The following CST9L variants were observed in gnomAD, a reference collection of about 807,000 sequenced individuals.
CST9L encodes cystatin-9-like.
In CST9L, 17 loss-of-function variants were observed where a neutral mutation model predicts 13.2. That is an observed-to-expected ratio of 1.29 (90% CI 0.88 to 1.93). The LOEUF is 1.93. CST9L is among the 30% of genes most tolerant of loss of function. The pLI is 0.00. For missense variants in CST9L, 170 were observed against 170.5 expected, an observed-to-expected ratio of 1.00 and a Z score of 0.02; for synonymous variants, 78 against 69.1, an observed-to-expected ratio of 1.13 and a Z score of -0.64.
Position 23,564,919 on chromosome 20 carries a change from A to G in CST9L, c.*29T>C. The stretch of plus-strand genomic sequence containing the variant: ...GATGTCCACGGAATGTGGGAGCAGC[A>G]CATGGACAAGCCTGTGAGTGGGTTT... On this transcript the variant is annotated 3_prime_UTR_variant, in exon 3 of 3. Coordinates refer to ENST00000376979, the MANE Select transcript of CST9L (RefSeq NM_080610.3). The G allele has an allele frequency of 6.6e-7, 1 of 1,505,588 alleles. No individual in the cohort carries two copies. Among genetic ancestry groups the G allele is most frequent in the Non-Finnish European group, 9.3e-7 (1 of 1,081,016 alleles). 93.3% of individuals were successfully genotyped at this position (1,505,588 alleles called of 1,614,324 possible).
In CST9L at chr20:23,568,457, G is replaced by A; in HGVS notation, c.-7C>T. On this transcript the variant is annotated 5_prime_UTR_variant, in exon 1 of 3. Transcript: ENST00000376979. ...TCCACGGCAGGCCCAGCATGGTGCTGACTGTAGGCACCGCTGACTTTGCTC... is the reference window on the plus strand; with the variant it reads ...TCCACGGCAGGCCCAGCATGGTGCTAACTGTAGGCACCGCTGACTTTGCTC... 6.2e-7 allele frequency: 1 copy of A among 1,612,836 alleles called. No homozygotes were observed. Among genetic ancestry groups the A allele is most frequent in the Non-Finnish European group, 8.5e-7 (1 of 1,179,350 alleles).
intron 1 of CST9L, among the ~76,000 whole-genome samples, chr20:23,567,320 C>CTTG (rs1370264015): frequency 2.0e-5 from 3 of 151,928 alleles, no homozygotes; most frequent in Admixed American, 6.6e-5. Flanking sequence ...CCAGCCTGGC[C>CTTG]AACATAGTGA....
In CST9L at chr20:23,568,193, G is replaced by A. The variant is rs756094976; in HGVS notation, c.240+18C>T. On this transcript the variant is annotated intron_variant, in intron 1 of 2. Coordinates refer to ENST00000376979, the MANE Select transcript of CST9L (RefSeq NM_080610.3). ...GCACATGCCAGATGCCAGGGCAGGAGGGTACGTGGTCACCAACCTGCTCCT... is the reference window on the plus strand; with the variant it reads ...GCACATGCCAGATGCCAGGGCAGGAAGGTACGTGGTCACCAACCTGCTCCT... 1.9e-6 allele frequency: 3 copies of A among 1,614,022 alleles called. No homozygotes were observed. Among genetic ancestry groups the A allele is most frequent in the Non-Finnish European group, 1.7e-6 (2 of 1,179,916 alleles).
chr20:23,566,212 G>A (rs1989094013), intron 1 of CST9L, 125 bp from the exon 2 acceptor site: 1 of 707,610 alleles, frequency 1.4e-6, no homozygotes, highest in South Asian at 1.6e-5. Context: ...CTTGCCCATG[G>A]GCCTGGCATC....
chr20:23,568,178 G>A (rs751776236), intron 1 of CST9L, 33 bp downstream of exon 1: 6 of 1,613,364 alleles, frequency 3.7e-6, no homozygotes, highest in South Asian at 3.3e-5. Context: ...GCACATGCCA[G>A]ATGCCAGGGC....
Position 23,568,342 on chromosome 20 carries a change from A to C in CST9L, c.109T>G (p.Cys37Gly), listed in dbSNP as rs760965696. ...YAWHFHEQRD[C>G]DEHNVMARYL... ...CGAGCCATGACATTGTGTTCATCAC[A>C]GTCCCTTTGCTCGTGGAAATGCCAG... Residue 37 changes from cysteine (C) to glycine (G), a missense_variant, in exon 1 of 3, where the codon TGT (cysteine) becomes GGT (glycine). Cys to Gly is a radical substitution (Grantham distance 159). Coordinates refer to ENST00000376979, the MANE Select transcript of CST9L (RefSeq NM_080610.3). 8 of 1,614,118 alleles carry C rather than the reference A, an allele frequency of 5.0e-6. No homozygotes were observed. Among genetic ancestry groups the C allele is most frequent in the Non-Finnish European group, 6.8e-6 (8 of 1,180,054 alleles).
At chr20:23,567,113 TC>T (rs1446779246) in intron 1 of CST9L, among the ~76,000 whole-genome samples, 1 of 152,100 alleles carries the variant, frequency 6.6e-6, no homozygotes, top group African/African-American at 2.4e-5. Context: ...ACAGGGTCTT[TC>T]CAGAGGCTGA....
rs1054613 is a variant in CST9L, at chr20:23,564,922, T to C, written c.*26A>G. ...GTCCACGGAATGTGGGAGCAGCACATGGACAAGCCTGTGAGTGGGTTTCAC... is the reference window on the plus strand; with the variant it reads ...GTCCACGGAATGTGGGAGCAGCACACGGACAAGCCTGTGAGTGGGTTTCAC... On this transcript the variant is annotated 3_prime_UTR_variant, in exon 3 of 3. Transcript: ENST00000376979. 2.0e-6 allele frequency: 3 copies of C among 1,534,120 alleles called. No homozygotes were observed. In the South Asian group the frequency reaches 3.4e-5, roughly 17 times the overall value.
chr20:23,566,878 A>G (rs1166714395), intron 1 of CST9L, among the ~76,000 whole-genome samples: 1 of 151,842 alleles, frequency 6.6e-6, no homozygotes, highest in Non-Finnish European at 1.5e-5. Flanking sequence ...ACAGGGTGAG[A>G]CTCCATATCA....
At chr20:23,566,151 G>C in intron 1 of CST9L, 64 bp from the exon 2 acceptor site, 1 of 919,548 alleles carries the variant, frequency 1.1e-6, no homozygotes, top group Non-Finnish European at 1.8e-6. Flanking sequence ...AGCTGCTGGT[G>C]AAGATGTCAT....
chr20:23,565,977 G>C lies in CST9L; in HGVS notation c.351C>G (p.Asn117Lys). 6.4e-7 allele frequency: 1 copy of C among 1,550,740 alleles called. No individual in the cohort carries two copies. Among genetic ancestry groups the C allele is most frequent in the Non-Finnish European group, 8.9e-7 (1 of 1,122,032 alleles). ...NCHFQESTEL[N>K]NTFTCFFTIS... is the part of the protein sequence containing the mutation. ...GGAAGCTGGTGTCCTGTCTTACATT[G>C]TTCAGCTCTGTGCTTTCTTGGAAAT... Residue 117 changes from asparagine (N) to lysine (K), a missense_variant, in exon 2 of 3, where the codon AAC (asparagine) becomes AAG (lysine). Asn to Lys is a moderately conservative substitution (Grantham distance 94). Transcript: ENST00000376979.
chr20:23,566,308 T>G (rs1008081621), intron 1 of CST9L, among the ~76,000 whole-genome samples: 1 of 152,110 alleles, frequency 6.6e-6, no homozygotes, highest in Non-Finnish European at 1.5e-5. Context: ...AATGTATCCC[T>G]ATTTCCAGAT....
At chr20:23,566,120 C>A (rs1200569921) in intron 1 of CST9L, 33 bp from the exon 2 acceptor site, 3 of 1,217,230 alleles carry the variant, frequency 2.5e-6, no homozygotes, top group Non-Finnish European at 3.7e-6. Flanking sequence ...TGTGAACACA[C>A]CCTCCTTGTT....
rs1380595818 is a variant in CST9L at position 23,568,270 on chromosome 20, G to T, written c.181C>A (p.Gln61Lys). The change falls in exon 1 of 3, where the codon CAG becomes AAG. Residue 61 changes from glutamine to lysine, a missense_variant. Transcript: ENST00000376979. Reference sequence around the variant, plus strand: ...CTGTAGGCATAGTAGTCCTTGCTCTGTTGGTTGAATGTGTGGACAGCAAAC... The same window carrying T: ...CTGTAGGCATAGTAGTCCTTGCTCTTTTGGTTGAATGTGTGGACAGCAAAC... ...VEFAVHTFNQ[Q>K]SKDYYAYRLG... 6.2e-7 allele frequency: 1 copy of T among 1,614,082 alleles called. No individual in the cohort carries two copies. The highest frequency in any genetic ancestry group is 8.5e-7 in the Non-Finnish European group (1 of 1,180,046).
At chr20:23,568,100 A>G in intron 1 of CST9L, 111 bp downstream of exon 1, 1 of 1,087,970 alleles carries the variant, frequency 9.2e-7, no homozygotes, top group Non-Finnish European at 1.4e-6. Flanking sequence ...AGTATGGACT[A>G]CAACTGGTGA....
At chr20:23,566,844 T>G (rs943999481) in intron 1 of CST9L, among the ~76,000 whole-genome samples, 1 of 152,084 alleles carries the variant, frequency 6.6e-6, no homozygotes, top group African/African-American at 2.4e-5. Flanking sequence ...GCTGAGATTG[T>G]GCCATTGCAC....
intron 2 of CST9L, 74 bp from the exon 3 acceptor site, chr20:23,565,111 T>C: frequency 7.7e-6 from 8 of 1,037,066 alleles, no homozygotes; most frequent in South Asian, 1.3e-5. Flanking sequence ...CTCTGAACAA[T>C]GGCTTCCTCT....
chr20:23,566,923 C>T (rs1266351291), intron 1 of CST9L, among the ~76,000 whole-genome samples: 1 of 152,074 alleles, frequency 6.6e-6, no homozygotes, highest in Non-Finnish European at 1.5e-5. Context: ...ACCATCTGCC[C>T]TATTGCAAAG....
chr20:23,566,115 A>G (rs1304478461), intron 1 of CST9L, 28 bp from the exon 2 acceptor site: 1 of 1,252,704 alleles, frequency 8.0e-7, no homozygotes, highest in African/African-American at 1.5e-5. Flanking sequence ...ATTAATGTGA[A>G]CACACCCTCC....
Sources: allele counts gnomAD v4.1 joint callset (sites outside exome capture counted in the v4.1 genomes callset), GRCh38; gene constraint gnomAD v4.1.1; transcripts MANE v1.5; gene names NCBI Gene and HGNC (gene_info 2026-07-23, HGNC 2026-07-21).